Variants in CTNNB1 observed in about 807,000 individuals in gnomAD.
The protein encoded by CTNNB1 is catenin beta 1, also known as catenin beta-1.
A neutral mutation model predicts 82.5 loss-of-function variants in CTNNB1; 6 were observed. That is an observed-to-expected ratio of 0.07 (90% confidence interval 0.04 to 0.14). The LOEUF is 0.14. Ranked by LOEUF, CTNNB1 falls within the 10% of genes least tolerant of loss-of-function variation. CTNNB1 has a pLI of 1.00. For missense variants in CTNNB1, 529 were observed against 980.4 expected (o/e 0.54, Z 6.15); for synonymous variants, 312 against 329.7 (o/e 0.95, Z 0.58).
rs1322186404 is a variant in CTNNB1, at chr3:41,239,648, CTCTT to C, written c.*308_*311del. The stretch of plus-strand genomic sequence containing the variant: ...TTTAAACATTAATAGCAGCCTTTCT[CTCTT>C]TATACAGCTGTATTGTCTGAACTTG... On this transcript the variant is annotated 3_prime_UTR_variant, in exon 15 of 15. Transcript: ENST00000349496. 1 of 467,422 alleles carries C rather than the reference CTCTT, an allele frequency of 2.1e-6. No homozygotes were observed. Among genetic ancestry groups the C allele is most frequent in the Non-Finnish European group, 4.0e-6 (1 of 252,728 alleles). 29.0% of individuals were successfully genotyped at this position (467,422 alleles called of 1,614,324 possible).
intron 1 of CTNNB1, among the ~76,000 whole-genome samples, chr3:41,216,931 G>T (rs1410140814): frequency 2.0e-5 from 3 of 151,894 alleles, no homozygotes; most frequent in Non-Finnish European, 2.9e-5. Flanking sequence ...CTCCTAAATG[G>T]TGTTTCTACT....
intron 1 of CTNNB1, among the ~76,000 whole-genome samples, chr3:41,212,061 T>G (rs908867772): frequency 6.6e-6 from 1 of 152,210 alleles, no homozygotes; most frequent in Non-Finnish European, 1.5e-5. Context: ...AGCCTTTTTG[T>G]TTTTCCTCAA....
At chr3:41,227,586 A>G (rs2078208294) in intron 7 of CTNNB1, among the ~76,000 whole-genome samples, 1 of 152,194 alleles carries the variant, frequency 6.6e-6, no homozygotes. Flanking sequence ...TGTTTTGCTT[A>G]ATAAAATTTG....
At chr3:41,222,216 G>C (rs5743384) in intron 1 of CTNNB1, 31 of 152,376 alleles carry the variant, frequency 2.0e-4, no homozygotes, top group African/African-American at 6.5e-4. Flanking sequence ...AAAAGAAAGA[G>C]GAAGGCTTTC....
intron 13 of CTNNB1, chr3:41,237,698 T>G (rs1199041004): frequency 5.8e-5 from 3 of 51,778 alleles, no homozygotes; most frequent in Non-Finnish European, 1.6e-4. Flanking sequence ...GCATTTTGCC[T>G]TTTTTTTTTT....
At chr3:41,203,001 A>G (rs957573076) in intron 1 of CTNNB1, among the ~76,000 whole-genome samples, 17 of 150,696 alleles carry the variant, frequency 1.1e-4, no homozygotes, top group African/African-American at 3.9e-4. Context: ...GATAAAGTCA[A>G]TCACATTAGG....
At position 41,239,413 on chromosome 3, in the gene CTNNB1, C is replaced by CAGAA. The variant is rs1279716022; in HGVS notation, c.*75_*78dup. On this transcript the variant is annotated 3_prime_UTR_variant, in exon 15 of 15. Coordinates refer to ENST00000349496, the MANE Select transcript of CTNNB1 (RefSeq NM_001904.4). ...TACTTTTACTCTGCCTACAGAACTT[C>CAGAA]AGAAAGACTTGGTTGGTAGGGTGGG... 16 of 1,394,014 alleles carry CAGAA rather than the reference C, an allele frequency of 1.1e-5. No homozygotes were observed. The highest frequency in any genetic ancestry group is 1.4e-5 in the Non-Finnish European group (14 of 1,002,530). 86.4% of individuals were successfully genotyped at this position (1,394,014 alleles called of 1,614,324 possible).
At chr3:41,201,617 C>T (rs973516389) in intron 1 of CTNNB1, among the ~76,000 whole-genome samples, 2 of 151,852 alleles carry the variant, frequency 1.3e-5, no homozygotes, top group Admixed American at 6.6e-5. Flanking sequence ...CTTAGTATAG[C>T]ATGTAACTTT....
intron 1 of CTNNB1, among the ~76,000 whole-genome samples, chr3:41,217,976 A>G (rs1384032962): frequency 2.0e-5 from 3 of 152,202 alleles, no homozygotes; most frequent in Admixed American, 1.3e-4. Context: ...TTTAAAAACT[A>G]CATACACAAA....
intron 1 of CTNNB1, among the ~76,000 whole-genome samples, chr3:41,201,473 C>G (rs755585517): frequency 1.6e-4 from 25 of 152,082 alleles, no homozygotes; most frequent in Non-Finnish European, 2.6e-4. Context: ...TGTACAAGGA[C>G]AAGGCCCTGA....
chr3:41,227,890 T>C (rs2078215830), intron 7 of CTNNB1, among the ~76,000 whole-genome samples: 1 of 152,128 alleles, frequency 6.6e-6, no homozygotes, highest in African/African-American at 2.4e-5. Context: ...CACCCGTAAG[T>C]AGGCCCCAGT....
rs2078525799 is a variant in CTNNB1, at chr3:41,239,594, T to A, written c.*252T>A. ...TGTTTTTTGCCACAGCTTTTGCAACTTAATACTCAAATGAGTAACATTTGC... is the reference window on the plus strand; with the variant it reads ...TGTTTTTTGCCACAGCTTTTGCAACATAATACTCAAATGAGTAACATTTGC... On this transcript the variant is annotated 3_prime_UTR_variant, in exon 15 of 15. Transcript: ENST00000349496. 3.7e-6 allele frequency: 2 copies of A among 541,044 alleles called. No homozygotes were observed. Among genetic ancestry groups the A allele is most frequent in the African/African-American group, 3.8e-5 (2 of 52,876 alleles). The allele number at this position is 541,044 out of a possible 1,614,324, so 33.5% of individuals were successfully genotyped here.
chr3:41,214,030 G>A (rs2077858468), intron 1 of CTNNB1, among the ~76,000 whole-genome samples: 1 of 152,178 alleles, frequency 6.6e-6, no homozygotes, highest in African/African-American at 2.4e-5. Flanking sequence ...AAAAGTTTAA[G>A]AATCTGTGTT....
chr3:41,233,819 A>G lies in CTNNB1; in HGVS notation c.1476A>G (p.Pro492=), dbSNP rs1350716395. The G allele has an allele frequency of 1.2e-6, 2 of 1,613,550 alleles. No homozygotes were observed. The highest frequency in any genetic ancestry group is 1.7e-4 in the Middle Eastern group (1 of 6,060). ...CAGTTCGCCTTCACTATGGACTACC[A>G]GTTGTGGTTAAGCTCTTACACCCAC... ...QNAVRLHYGL[P]VVVKLLHPPS... is the part of the protein sequence containing the mutation. Residue 492 remains proline (P), a synonymous_variant, in exon 9 of 15, where the codon CCA becomes CCG. Coordinates refer to ENST00000349496, the MANE Select transcript of CTNNB1 (RefSeq NM_001904.4).
At chr3:41,215,382 CAAAA>C (rs35166040) in intron 1 of CTNNB1, among the ~76,000 whole-genome samples, 1 of 48,848 alleles carries the variant, frequency 2.0e-5, no homozygotes, top group Admixed American at 2.8e-4. Context: ...AACACCATCT[CAAAA>C]AAAAAAAAAA....
rs567581558 is a variant in CTNNB1, at chr3:41,236,149, A to C, written c.1804-200A>C. 4.9e-4 allele frequency: 385 copies of C among 781,636 alleles called. 2 individuals are homozygous for C. The South Asian group carries it at 6.2e-3, about 13-fold the overall frequency. 48.4% of individuals were successfully genotyped at this position (781,636 alleles called of 1,614,324 possible). On this transcript the variant is annotated intron_variant, in intron 11 of 14. Transcript: ENST00000349496. ...ATCAGTTAGAGCTGCCTCTGAAGAA[A>C]GGGTTTATAGCTAAAAAATATTATG...
chr3:41,231,057 G>A (rs1302347828), intron 7 of CTNNB1, among the ~76,000 whole-genome samples: 2 of 152,218 alleles, frequency 1.3e-5, no homozygotes, highest in African/African-American at 4.8e-5. Flanking sequence ...GTCAGGCACG[G>A]TGGCTCACGC....
At chr3:41,235,565 C>G in intron 10 of CTNNB1, 159 bp from the exon 11 acceptor site, 1 of 923,572 alleles carries the variant, frequency 1.1e-6, no homozygotes, top group Non-Finnish European at 1.7e-6. Context: ...GGCCTCTTTT[C>G]AGTGACATTC....
chr3:41,235,713 T>G lies in CTNNB1; in HGVS notation c.1684-11T>G. The G allele has an allele frequency of 6.2e-7, 1 of 1,614,148 alleles. No individual in the cohort carries two copies. The highest frequency in any genetic ancestry group is 1.1e-5 in the South Asian group (1 of 91,084). On this transcript the variant is annotated splice_polypyrimidine_tract_variant and intron_variant, in intron 10 of 14. Coordinates refer to ENST00000349496, the MANE Select transcript of CTNNB1 (RefSeq NM_001904.4). Reference sequence around the variant, plus strand: ...GAATGCCCTGTTTGTTAACCATGTTTCTTTTGGCAGGAGGGGGTCCGCATG... The same window carrying G: ...GAATGCCCTGTTTGTTAACCATGTTGCTTTTGGCAGGAGGGGGTCCGCATG...
Sources: allele counts gnomAD v4.1 joint callset (sites outside exome capture counted in the v4.1 genomes callset), GRCh38; gene constraint gnomAD v4.1.1; transcripts MANE v1.5; gene names NCBI Gene and HGNC (gene_info 2026-07-23, HGNC 2026-07-21).